CADPS: variants seen among roughly 807,000 people sequenced by gnomAD.
CADPS encodes calcium-dependent secretion activator 1.
In CADPS, 57 loss-of-function variants were observed where a neutral mutation model predicts 167.3. That is an observed-to-expected ratio of 0.34 (90% CI 0.28 to 0.42). CADPS has a LOEUF of 0.42. CADPS is among the 20% of genes least tolerant of loss of function. The pLI, the probability that CADPS is intolerant of heterozygous loss-of-function variation, is 1.00. For missense variants in CADPS, 1,414 were observed against 1,738.1 expected (o/e 0.81, Z 3.32); for synonymous variants, 676 against 635.3 (o/e 1.06, Z -0.96).
At chr3:62,798,087 T>C (rs2093551643) in intron 1 of CADPS, among the ~76,000 whole-genome samples, 1 of 152,126 alleles carries the variant, frequency 6.6e-6, no homozygotes, top group South Asian at 2.1e-4. Context: ...AAGCATTAAA[T>C]AAACATTCCA....
chr3:62,718,572 C>T (rs1203723504), intron 3 of CADPS, among the ~76,000 whole-genome samples: 1 of 152,184 alleles, frequency 6.6e-6, no homozygotes. Context: ...AGTTGAGTAA[C>T]TATTGCTCAG....
At chr3:62,666,045 A>T (rs900000106) in intron 3 of CADPS, among the ~76,000 whole-genome samples, 2 of 152,200 alleles carry the variant, frequency 1.3e-5, no homozygotes, top group Non-Finnish European at 2.9e-5. Context: ...ACCAGATGGG[A>T]CAGTGTCCCT....
chr3:62,854,567 T>C (rs968176233), intron 1 of CADPS, among the ~76,000 whole-genome samples: 2 of 152,248 alleles, frequency 1.3e-5, no homozygotes, highest in African/African-American at 4.8e-5. Flanking sequence ...AAGGGCTTTA[T>C]AGTTGCTTTC....
At chr3:62,530,848 G>A in intron 13 of CADPS, 1 of 1,152,270 alleles carries the variant, frequency 8.7e-7, no homozygotes, top group Non-Finnish European at 1.1e-6. Context: ...GGCATGCACA[G>A]AGTGTGGCCA....
At chr3:62,686,946 C>G (rs1203278309) in intron 3 of CADPS, among the ~76,000 whole-genome samples, 1 of 152,066 alleles carries the variant, frequency 6.6e-6, no homozygotes, top group Non-Finnish European at 1.5e-5. Flanking sequence ...TAGTAATGCT[C>G]AAAAGGTGCT....
intron 21 of CADPS, among the ~76,000 whole-genome samples, chr3:62,487,516 G>A (rs540772231): frequency 2.0e-4 from 30 of 152,308 alleles, no homozygotes; most frequent in Non-Finnish European, 3.4e-4. Context: ...TCTTTGAGAA[G>A]CTGACTATCT....
intron 17 of CADPS, 65 bp downstream of exon 17, chr3:62,512,686 A>C: frequency 7.2e-7 from 1 of 1,388,928 alleles, no homozygotes; most frequent in Non-Finnish European, 1.0e-6. Context: ...ATTGAAAAAC[A>C]AAAACAAAAA....
At position 62,753,678 on chromosome 3, in the gene CADPS, C is replaced by T. The variant is rs2083219197; in HGVS notation, c.651G>A (p.Lys217=). The T allele has an allele frequency of 1.2e-6, 2 of 1,614,206 alleles. No homozygotes were observed. Among genetic ancestry groups the T allele is most frequent in the South Asian group, 2.2e-5 (2 of 91,080 alleles). ...CAATCTCAGGCAGGCTGCGCACTCT[C>T]TTCTCAATGTGCTTCTTGAAGACCT... ...SREVFKKHIE[K]RVRSLPEIDG... is the part of the protein sequence containing the mutation. Residue 217 remains lysine (K), a synonymous_variant, in exon 3 of 30, where the codon AAG becomes AAA. Coordinates refer to ENST00000383710, the MANE Select transcript of CADPS (RefSeq NM_003716.4). The surrounding 1 kb of genome is among the most constrained non-coding windows in gnomAD (Gnocchi z 4.6).
intron 13 of CADPS, among the ~76,000 whole-genome samples, chr3:62,529,359 G>A (rs1363031739): frequency 6.6e-6 from 1 of 152,134 alleles, no homozygotes; most frequent in Non-Finnish European, 1.5e-5. Flanking sequence ...GTTCAAGCAA[G>A]TGTGCCTTTC....
intron 7 of CADPS, among the ~76,000 whole-genome samples, chr3:62,586,346 G>A (rs573501191): frequency 3.9e-5 from 6 of 152,114 alleles, no homozygotes; most frequent in African/African-American, 1.2e-4. Context: ...GGAGGTGGCC[G>A]TGAGGGGCTC....
intron 22 of CADPS, among the ~76,000 whole-genome samples, chr3:62,480,602 A>G (rs899048567): frequency 1.3e-5 from 2 of 152,198 alleles, no homozygotes; most frequent in African/African-American, 2.4e-5. Flanking sequence ...CTGCAAGAAT[A>G]AAAATGCTGA....
At chr3:62,863,574 A>G (rs1478312698) in intron 1 of CADPS, among the ~76,000 whole-genome samples, 2 of 152,154 alleles carry the variant, frequency 1.3e-5, no homozygotes, top group Non-Finnish European at 1.5e-5. Context: ...CAGCACAGGG[A>G]TGTTAAGTGG....
intron 28 of CADPS, among the ~76,000 whole-genome samples, chr3:62,434,788 A>AAATAC (rs1341508534): frequency 2.0e-4 from 30 of 152,290 alleles, no homozygotes; most frequent in African/African-American, 7.0e-4. Flanking sequence ...AAATATTCTC[A>AAATAC]AATACAAACA....
intron 4 of CADPS, among the ~76,000 whole-genome samples, chr3:62,659,529 G>T (rs56252225): frequency 0.29 from 44,565 of 152,070 alleles, 7,335 homozygotes; most frequent in East Asian, 0.69. Context: ...TGACATCTCA[G>T]TGTAGACTCT....
At chr3:62,432,019 G>T (rs1236448511) in intron 28 of CADPS, among the ~76,000 whole-genome samples, 1 of 151,814 alleles carries the variant, frequency 6.6e-6, no homozygotes, top group African/African-American at 2.4e-5. Flanking sequence ...ATAGTAAAGG[G>T]TATTAATTAC....
At chr3:62,626,544 A>G (rs1411849668) in intron 6 of CADPS, 1 of 702,764 alleles carries the variant, frequency 1.4e-6, no homozygotes, top group East Asian at 2.7e-5. Context: ...ACTGTGAGGC[A>G]GTTGTTCTCT....
At chr3:62,566,592 A>AT (rs1269136374) in intron 9 of CADPS, among the ~76,000 whole-genome samples, 1 of 72,236 alleles carries the variant, frequency 1.4e-5, no homozygotes, top group Admixed American at 1.8e-4. Flanking sequence ...ATAGGGGAGA[A>AT]GAAAAAATGG....
At chr3:62,614,654 A>G (rs1019566544) in intron 6 of CADPS, among the ~76,000 whole-genome samples, 1 of 152,216 alleles carries the variant, frequency 6.6e-6, no homozygotes, top group African/African-American at 2.4e-5. Flanking sequence ...GGGGAGTGAT[A>G]TAATGATTAC....
intron 28 of CADPS, among the ~76,000 whole-genome samples, chr3:62,424,910 A>G (rs1334708841): frequency 6.6e-6 from 1 of 152,206 alleles, no homozygotes. Flanking sequence ...ATACCTATTT[A>G]ACAAATGGTT....
Sources: gnomAD v4.1 joint callset for allele counts (sites outside exome capture counted in the v4.1 genomes callset) on GRCh38, gnomAD v4.1.1 for gene constraint, Gnocchi (gnomAD v3.1) non-coding constraint, MANE v1.5 for transcripts, NCBI Gene and HGNC (gene_info 2026-07-23, HGNC 2026-07-21) for gene names.